The following MIGA2 variants were observed in gnomAD, a reference collection of about 807,000 sequenced individuals.
MIGA2 encodes family with sequence similarity 73, member B.
MIGA2 carries 36 observed loss-of-function variants against 69.9 expected under a neutral mutation model. The ratio of observed to expected loss-of-function variants is 0.52; its 90% CI spans 0.39 to 0.68. The LOEUF (loss-of-function observed/expected upper bound fraction) is 0.68, where lower values mean the gene tolerates loss of function less well. Among genes scored for constraint, MIGA2 ranks in the 30% least tolerant of loss-of-function variants. The pLI is 0.00. For missense variants in MIGA2, 660 were observed against 787.7 expected (o/e 0.84, Z 1.94); for synonymous variants, 333 against 349.2 (o/e 0.95, Z 0.52).
chr9:129,063,499 A>C (rs1588409279), intron 10 of MIGA2, 46 bp from the exon 11 acceptor site: 17 of 1,603,824 alleles, frequency 1.1e-5, no homozygotes, highest in Non-Finnish European at 1.5e-5. Flanking sequence ...GCTTTGAGGG[A>C]CTGCCGTGCC....
Position 129,042,498 on chromosome 9 carries a change from C to T in MIGA2, c.291C>T (p.Val97=). 2 of 1,575,618 alleles carry T rather than the reference C, an allele frequency of 1.3e-6. No homozygotes were observed. Among genetic ancestry groups the T allele is most frequent in the Non-Finnish European group, 1.7e-6 (2 of 1,161,884 alleles). Residue 97 remains valine, a synonymous_variant, in exon 3 of 16, where the codon GTC becomes GTT. Transcript: ENST00000684074. ...VPLPILLARK[V]PSVKKGYSSR... Reference sequence around the variant, plus strand: ...TCCCTATCCTCTTGGCCAGGAAGGTCCCTTCAGTGAAGAAAGGTAGGTGTG... The same window carrying T: ...TCCCTATCCTCTTGGCCAGGAAGGTTCCTTCAGTGAAGAAAGGTAGGTGTG...
intron 5 of MIGA2, 30 bp downstream of exon 5, chr9:129,049,528 G>T: frequency 1.2e-6 from 2 of 1,603,324 alleles, no homozygotes; most frequent in East Asian, 2.2e-5. Flanking sequence ...CAGCTTCGAG[G>T]GCAGGGTGGG....
In MIGA2 at chr9:129,059,281, G is replaced by C; in HGVS notation, c.793+10G>C. The stretch of plus-strand genomic sequence containing the variant: ...ATGCTGCTAGACCTCGGTGAGCTGG[G>C]CCCAGTGCAGGTGGGGTGGGCGTGG... On this transcript the variant is annotated intron_variant, in intron 7 of 15. Transcript: ENST00000684074. The surrounding 1 kb of genome is among the most constrained non-coding windows in gnomAD (Gnocchi z 5.6). 1 of 1,560,008 alleles carries C rather than the reference G, an allele frequency of 6.4e-7. No individual in the cohort carries two copies. Among genetic ancestry groups the C allele is most frequent in the Admixed American group, 1.9e-5 (1 of 52,416 alleles).
chr9:129,069,029 G>A lies in MIGA2; in HGVS notation c.1405-47G>A, dbSNP rs751969388. ...GGCTGGCAGAGGGCGAGGGGCTGTGGGCTAGGCCCATTTTGACACCCGGGG... is the reference window on the plus strand; with the variant it reads ...GGCTGGCAGAGGGCGAGGGGCTGTGAGCTAGGCCCATTTTGACACCCGGGG... On this transcript the variant is annotated intron_variant, in intron 13 of 15. Transcript: ENST00000684074. The surrounding 1 kb of genome is among the most constrained non-coding windows in gnomAD (Gnocchi z 4.9). 3 of 1,611,870 alleles carry A rather than the reference G, an allele frequency of 1.9e-6. No individual in the cohort carries two copies. Among genetic ancestry groups the A allele is most frequent in the South Asian group, 1.1e-5 (1 of 91,032 alleles).
intron 6 of MIGA2, among the ~76,000 whole-genome samples, chr9:129,052,334 G>T (rs1397221380): frequency 7.2e-6 from 1 of 138,884 alleles, no homozygotes; most frequent in Non-Finnish European, 1.5e-5. Context: ...TGTTGGCCAG[G>T]GTGGTCTCGA....
chr9:129,053,520 C>T (rs972675229), intron 6 of MIGA2, among the ~76,000 whole-genome samples: 39 of 152,092 alleles, frequency 2.6e-4, no homozygotes, highest in East Asian at 7.8e-4. Flanking sequence ...TGTGTCACCA[C>T]GCCCGGCTAA....
In MIGA2 at chr9:129,069,742, A is replaced by G. The variant is rs1363647589; in HGVS notation, c.1459-107A>G. ...CCAGGGTCATCTAGCAGGAAAGTAC[A>G]TGAGCTGGGGCGACCTCTAAAGCCC... On this transcript the variant is annotated intron_variant, in intron 14 of 15. Transcript: ENST00000684074. The surrounding 1 kb of genome is among the most constrained non-coding windows in gnomAD (Gnocchi z 4.9). 5 of 803,076 alleles carry G rather than the reference A, an allele frequency of 6.2e-6. No homozygotes were observed. Among genetic ancestry groups the G allele is most frequent in the Admixed American group, 3.5e-5 (2 of 57,836 alleles). The allele number at this position is 803,076 out of a possible 1,614,324, so 49.7% of individuals were successfully genotyped here.
intron 11 of MIGA2, among the ~76,000 whole-genome samples, chr9:129,066,279 G>T (rs1456289268): frequency 6.6e-6 from 1 of 152,224 alleles, no homozygotes. Flanking sequence ...TCCCCAGGAA[G>T]CTGGGTGAGT....
intron 3 of MIGA2, among the ~76,000 whole-genome samples, chr9:129,043,692 C>T (rs1042882689): frequency 6.6e-6 from 1 of 151,686 alleles, no homozygotes; most frequent in Admixed American, 6.6e-5. Flanking sequence ...CGGCCCCGGC[C>T]ATCTTTCTAC....
chr9:129,062,686 A>G (rs1000435223), intron 9 of MIGA2, among the ~76,000 whole-genome samples: 1 of 151,830 alleles, frequency 6.6e-6, no homozygotes, highest in Middle Eastern at 3.2e-3. Context: ...TCTACTAAAA[A>G]TACAAAAATT....
At chr9:129,064,158 C>T (rs1021318621) in intron 11 of MIGA2, among the ~76,000 whole-genome samples, 1 of 152,112 alleles carries the variant, frequency 6.6e-6, no homozygotes, top group Non-Finnish European at 1.5e-5. Context: ...AGGGTGTTTC[C>T]TTGCATCTCT....
chr9:129,062,410 T>TA (rs1346540542), intron 9 of MIGA2, among the ~76,000 whole-genome samples: 3 of 151,114 alleles, frequency 2.0e-5, no homozygotes, highest in Non-Finnish European at 2.9e-5. Context: ...CACATACCTG[T>TA]AGTCCCAGCT....
At chr9:129,046,510 G>T (rs1332790124) in intron 3 of MIGA2, among the ~76,000 whole-genome samples, 2 of 150,538 alleles carry the variant, frequency 1.3e-5, no homozygotes, top group African/African-American at 2.4e-5. Context: ...TAGGGCAGAG[G>T]GCAGTGGCAC....
At chr9:129,057,141 C>T (rs1845838375) in intron 6 of MIGA2, among the ~76,000 whole-genome samples, 1 of 152,144 alleles carries the variant, frequency 6.6e-6, no homozygotes, top group East Asian at 1.9e-4. Context: ...GCTCACTTCT[C>T]TTCCATACTA....
Position 129,061,396 on chromosome 9 carries a change from T to G in MIGA2, c.1010+50T>G. On this transcript the variant is annotated intron_variant, in intron 9 of 15. Transcript: ENST00000684074. The surrounding 1 kb of genome is among the most constrained non-coding windows in gnomAD (Gnocchi z 5.0). ...GGAGGGAGCAGGAGGCGATGGGTGA[T>G]TCTGGCCCTTGCGGGAGGCGGAGAA... The G allele has an allele frequency of 6.6e-7, 1 of 1,514,966 alleles. No homozygotes were observed. The highest frequency in any genetic ancestry group is 9.0e-7 in the Non-Finnish European group (1 of 1,110,662). The allele number at this position is 1,514,966 out of a possible 1,614,324, so 93.8% of individuals were successfully genotyped here. A position where few individuals can be genotyped will look rare whatever the true frequency, so the allele number is the denominator to read the frequency against.
chr9:129,042,489 C>A lies in MIGA2; in HGVS notation c.282C>A (p.Ala94=). ...CGGTGCCCCTCCCTATCCTCTTGGC[C>A]AGGAAGGTCCCTTCAGTGAAGAAAG... ...LGTVPLPILL[A]RKVPSVKKGY... Residue 94 remains alanine (A), a synonymous_variant, in exon 3 of 16, where the codon GCC becomes GCA. Coordinates refer to ENST00000684074, the MANE Select transcript of MIGA2 (RefSeq NM_001329990.2). 1 of 1,586,250 alleles carries A rather than the reference C, an allele frequency of 6.3e-7. No individual in the cohort carries two copies.
chr9:129,060,428 TG>T lies in MIGA2; in HGVS notation c.794-119del. ...CACGTCAGAGCTTTGCCATTGAGTG[TG>T]GGAATCACAGGCTCGGGATGAAGCC... On this transcript the variant is annotated intron_variant, in intron 7 of 15. Transcript: ENST00000684074. The surrounding 1 kb of genome is among the most constrained non-coding windows in gnomAD (Gnocchi z 4.8). 1 of 766,318 alleles carries T rather than the reference TG, an allele frequency of 1.3e-6. No individual in the cohort carries two copies. The highest frequency in any genetic ancestry group is 2.1e-6 in the Non-Finnish European group (1 of 473,038). The allele number at this position is 766,318 out of a possible 1,614,324, so 47.5% of individuals were successfully genotyped here.
At chr9:129,038,789 CTTTTTTTTTTT>C (rs869238538) in intron 1 of MIGA2, among the ~76,000 whole-genome samples, 76 of 89,046 alleles carry the variant, frequency 8.5e-4, no homozygotes, top group African/African-American at 3.5e-3. Context: ...TTTTGTTTGT[CTTTTTTTTTTT>C]TTTTTTTTTT....
chr9:129,061,378 G>C lies in MIGA2; in HGVS notation c.1010+32G>C. ...AGGTGTGGAGGGAGGGAGGGAGGGAGCAGGAGGCGATGGGTGATTCTGGCC... is the reference window on the plus strand; with the variant it reads ...AGGTGTGGAGGGAGGGAGGGAGGGACCAGGAGGCGATGGGTGATTCTGGCC... On this transcript the variant is annotated intron_variant, in intron 9 of 15. Coordinates refer to ENST00000684074, the MANE Select transcript of MIGA2 (RefSeq NM_001329990.2). This position sits in a 1 kb window ranked among gnomAD's most constrained non-coding sequence, Gnocchi z 5.0. The C allele has an allele frequency of 6.6e-7, 1 of 1,523,460 alleles. No individual in the cohort carries two copies. The highest frequency in any genetic ancestry group is 9.0e-7 in the Non-Finnish European group (1 of 1,109,524). 94.4% of individuals were successfully genotyped at this position (1,523,460 alleles called of 1,614,324 possible). A position where few individuals can be genotyped will look rare whatever the true frequency, so the allele number is the denominator to read the frequency against.
Sources: gnomAD v4.1 joint callset for allele counts (sites outside exome capture counted in the v4.1 genomes callset) on GRCh38, gnomAD v4.1.1 for gene constraint, Gnocchi (gnomAD v3.1) non-coding constraint, MANE v1.5 for transcripts, NCBI Gene and HGNC (gene_info 2026-07-23, HGNC 2026-07-21) for gene names.